Variants in GABRA3 observed in about 807,000 individuals in gnomAD.
The protein encoded by GABRA3 is gamma-aminobutyric acid type A receptor subunit alpha3.
GABRA3 carries 10 observed loss-of-function variants against 30.1 expected under a neutral mutation model. The ratio of observed to expected loss-of-function variants is 0.33; its 90% CI spans 0.20 to 0.56. The LOEUF is 0.56. Among genes scored for constraint, GABRA3 ranks in the 20% least tolerant of loss-of-function variants. The pLI is 0.89. For synonymous variants in GABRA3, 151 were observed against 146.8 expected, an observed-to-expected ratio of 1.03 and a Z score of -0.21; for missense variants, 233 against 392.0, an observed-to-expected ratio of 0.59 and a Z score of 3.42.
intron 5 of GABRA3, among the ~76,000 whole-genome samples, 186 bp from the exon 6 acceptor site, chrX:152,225,031 G>A (rs932028015): frequency 1.8e-4 from 20 of 110,269 alleles, no homozygotes; most frequent in African/African-American, 6.3e-4. Context: ...GAGGCATTAA[G>A]TACTCATATT....
At chrX:152,444,734 G>GT (rs1261513788) in intron 1 of GABRA3, among the ~76,000 whole-genome samples, 34 of 40,340 alleles carry the variant, frequency 8.4e-4, no homozygotes, top group East Asian at 3.4e-3. Flanking sequence ...ATACTTGTGT[G>GT]TTTTTTTTTT....
At chrX:152,392,313 A>G (rs1376504840) in intron 1 of GABRA3, 1 of 385,182 alleles carries the variant, frequency 2.6e-6, no homozygotes, top group South Asian at 2.4e-5. Flanking sequence ...AGGTTCTGCA[A>G]CAGAAGCTGA....
intron 3 of GABRA3, among the ~76,000 whole-genome samples, chrX:152,324,495 G>A (rs1940021135): frequency 8.9e-6 from 1 of 111,948 alleles, no homozygotes; most frequent in Non-Finnish European, 1.9e-5. Flanking sequence ...ACTATATCAT[G>A]TGTCCATTAT....
chrX:152,314,687 C>G (rs1389450335), intron 3 of GABRA3, among the ~76,000 whole-genome samples: 2 of 112,328 alleles, frequency 1.8e-5, no homozygotes, highest in African/African-American at 6.5e-5. Flanking sequence ...AACTCTCACT[C>G]ACTCTTTATG....
chrX:152,173,214 C>T (rs1466417047), intron 9 of GABRA3, among the ~76,000 whole-genome samples: 2 of 109,245 alleles, frequency 1.8e-5, no homozygotes, highest in South Asian at 4.1e-4. Context: ...AAAATAATCA[C>T]TTGCACCACT....
Position 152,394,842 on chromosome X carries a change from C to T in GABRA3, c.-26-30246G>A, listed in dbSNP as rs1003239537. On this transcript the variant is annotated intron_variant, in intron 1 of 9. Coordinates refer to ENST00000370314, the MANE Select transcript of GABRA3 (RefSeq NM_000808.4). The stretch of plus-strand genomic sequence containing the variant: ...AACTGCTCAGGTGATACAAAAAATA[C>T]GGGTATGTATGGCATTTTGTCAAAA... Among the ~76,000 whole-genome samples the T allele has an allele frequency of 5.4e-5, 6 of 111,243 alleles. No homozygotes were observed. The East Asian group carries it at 1.1e-3, about 21-fold the overall frequency.
At chrX:152,239,484 G>T (rs1395863248) in intron 5 of GABRA3, among the ~76,000 whole-genome samples, 1 of 94,504 alleles carries the variant, frequency 1.1e-5, no homozygotes, top group Non-Finnish European at 2.1e-5. Flanking sequence ...ATTTGGGGTG[G>T]AGAGTTCTGT....
At chrX:152,323,619 A>G (rs1940005225) in intron 3 of GABRA3, among the ~76,000 whole-genome samples, 2 of 112,409 alleles carry the variant, frequency 1.8e-5, no homozygotes, top group African/African-American at 3.2e-5. Context: ...AGCAGCTTAT[A>G]AATGAGTAAT....
At chrX:152,411,377 T>C in intron 1 of GABRA3, among the ~76,000 whole-genome samples, 1 of 110,839 alleles carries the variant, frequency 9.0e-6, no homozygotes, top group East Asian at 2.9e-4. Context: ...AATTCTGAAG[T>C]TAAAAAGTAT....
At chrX:152,240,775 A>G (rs895656252) in intron 5 of GABRA3, among the ~76,000 whole-genome samples, 3 of 99,732 alleles carry the variant, frequency 3.0e-5, no homozygotes, top group African/African-American at 4.0e-5. Flanking sequence ...CCTTTCTTCC[A>G]GTTGATCGCA....
intron 3 of GABRA3, among the ~76,000 whole-genome samples, chrX:152,289,664 C>A (rs1184847994): frequency 9.0e-6 from 1 of 110,608 alleles, no homozygotes; most frequent in Non-Finnish European, 1.9e-5. Context: ...TATCCCTCCC[C>A]CTGCCCCCCA....
chrX:152,429,129 A>G (rs1022151877), intron 1 of GABRA3, among the ~76,000 whole-genome samples: 1 of 111,702 alleles, frequency 9.0e-6, no homozygotes, highest in Non-Finnish European at 1.9e-5. Context: ...TGAGTGAGAC[A>G]GGTCAGGAAA....
At chrX:152,356,137 T>TCCCCAAAG (rs2124488334) in intron 2 of GABRA3, among the ~76,000 whole-genome samples, 1 of 111,979 alleles carries the variant, frequency 8.9e-6, no homozygotes, top group African/African-American at 3.2e-5. Context: ...AGGAACTGTG[T>TCCCCAAAG]CCCCAAAGAT....
intron 4 of GABRA3, among the ~76,000 whole-genome samples, chrX:152,278,364 G>GT (rs1221185052): frequency 1.8e-5 from 2 of 108,167 alleles, no homozygotes; most frequent in Admixed American, 1.0e-4. Context: ...GTGGTGTTTG[G>GT]TTTTTTGTCC....
rs774166971 is a variant in GABRA3 at position 152,313,934 on chromosome X, C to A, written c.263-29199G>T. ...GAGGAACCTGGTTGGCAGTCTTACC[C>A]AGGAAGATGGTCATTAACACTATTT... On this transcript the variant is annotated intron_variant, in intron 3 of 9. Transcript: ENST00000370314. Among the ~76,000 whole-genome samples the A allele has an allele frequency of 4.6e-4, 51 of 111,309 alleles. No homozygotes were observed. The Admixed American group carries it at 4.7e-3, about 10-fold the overall frequency.
chrX:152,445,582 G>T (rs1258469167), intron 1 of GABRA3, among the ~76,000 whole-genome samples: 1 of 111,571 alleles, frequency 9.0e-6, no homozygotes, highest in Non-Finnish European at 1.9e-5. Flanking sequence ...TCAACCTTCA[G>T]AATTCTGTAT....
At position 152,168,405 on chromosome X, in the gene GABRA3, G is replaced by A. The variant is rs745674121; in HGVS notation, c.1302C>T (p.Pro434=). 2 of 1,212,085 alleles carry A rather than the reference G, an allele frequency of 1.7e-6. No homozygotes were observed. The highest frequency in any genetic ancestry group is 2.2e-6 in the Non-Finnish European group (2 of 895,594). ...GGCTGTCCTGCACGTAGGTGGCCTT[G>A]GGTGAAGCAATGATTGTTGGGGTTG... ...ASSTPTIIAS[P]KATYVQDSPT... The change falls in exon 10 of 10, where the codon CCC becomes CCT. Residue 434 remains proline, a synonymous_variant. Transcript: ENST00000370314.
chrX:152,213,307 G>A (rs948784432), intron 6 of GABRA3, among the ~76,000 whole-genome samples: 5 of 111,726 alleles, frequency 4.5e-5, no homozygotes, highest in African/African-American at 9.8e-5. Flanking sequence ...AAGATACAGC[G>A]ATCATAAAAC....
intron 7 of GABRA3, among the ~76,000 whole-genome samples, chrX:152,202,726 T>C (rs1937500859): frequency 8.9e-6 from 1 of 112,430 alleles, no homozygotes; most frequent in South Asian, 3.7e-4. Context: ...TCGTGGATAC[T>C]GGTACATTTG....
Sources: gnomAD v4.1 joint callset for allele counts (sites outside exome capture counted in the v4.1 genomes callset) on GRCh38, gnomAD v4.1.1 for gene constraint, MANE v1.5 for transcripts, NCBI Gene and HGNC (gene_info 2026-07-23, HGNC 2026-07-21) for gene names.